The following EXT1 variants were observed in gnomAD, a reference collection of about 807,000 sequenced individuals.
The protein encoded by EXT1 is exostosin glycosyltransferase 1.
EXT1 carries 20 observed loss-of-function variants against 82.5 expected under a neutral mutation model. That is an observed-to-expected ratio of 0.24 (90% CI 0.17 to 0.35). The LOEUF is 0.35. EXT1 is among the 10% of genes least tolerant of loss of function. The pLI, the probability that EXT1 is intolerant of heterozygous loss-of-function variation, is 1.00. For missense variants in EXT1, 757 were observed against 936.5 expected (o/e 0.81, Z 2.50); for synonymous variants, 348 against 350.8 (o/e 0.99, Z 0.09).
intron 10 of EXT1, among the ~76,000 whole-genome samples, chr8:117,800,796 A>G (rs1449466110): frequency 6.6e-6 from 1 of 152,212 alleles, no homozygotes; most frequent in South Asian, 2.1e-4. Context: ...TGTTGCCCCT[A>G]AAGTTGGTTA....
chr8:118,016,500 C>T (rs192726606), intron 1 of EXT1, among the ~76,000 whole-genome samples: 8 of 152,298 alleles, frequency 5.3e-5, no homozygotes, highest in Admixed American at 3.3e-4. Flanking sequence ...GGGATCCTGA[C>T]GTAGGAAAGC....
intron 1 of EXT1, among the ~76,000 whole-genome samples, chr8:117,948,674 T>C (rs904648885): frequency 6.6e-6 from 1 of 152,224 alleles, no homozygotes; most frequent in African/African-American, 2.4e-5. Flanking sequence ...CTCAAAGTAA[T>C]CCTTTGAGTG....
intron 1 of EXT1, among the ~76,000 whole-genome samples, chr8:117,982,654 T>A (rs900562858): frequency 6.6e-6 from 1 of 151,998 alleles, no homozygotes; most frequent in African/African-American, 2.4e-5. Flanking sequence ...CCACACCCAG[T>A]TAATTTTTTA....
chr8:118,017,442 C>G (rs1816023230), intron 1 of EXT1, among the ~76,000 whole-genome samples: 1 of 152,156 alleles, frequency 6.6e-6, no homozygotes, highest in Non-Finnish European at 1.5e-5. Context: ...AAAGTCAGCA[C>G]TGAGTCCTCA....
At chr8:118,054,460 C>G (rs1056186497) in intron 1 of EXT1, among the ~76,000 whole-genome samples, 2 of 152,238 alleles carry the variant, frequency 1.3e-5, no homozygotes, top group East Asian at 1.9e-4. Context: ...CTCCTGGAAT[C>G]TGAACTTCCA....
chr8:117,858,921 G>C (rs1812634503), intron 1 of EXT1, among the ~76,000 whole-genome samples: 1 of 151,318 alleles, frequency 6.6e-6, no homozygotes, highest in Non-Finnish European at 1.5e-5. Context: ...AATTGCCACA[G>C]CTACCCTCAC....
At chr8:117,984,305 G>A (rs1815266824) in intron 1 of EXT1, among the ~76,000 whole-genome samples, 2 of 152,110 alleles carry the variant, frequency 1.3e-5, no homozygotes, top group African/African-American at 4.8e-5. Flanking sequence ...TATAATCCCA[G>A]CTACTTGGGA....
intron 1 of EXT1, among the ~76,000 whole-genome samples, chr8:118,099,524 T>G (rs905582001): frequency 6.6e-6 from 1 of 152,216 alleles, no homozygotes; most frequent in African/African-American, 2.4e-5. Flanking sequence ...GAGTGTGTGG[T>G]CTTTATGACA....
chr8:117,843,539 TGA>T (rs1812305826), intron 1 of EXT1, among the ~76,000 whole-genome samples: 1 of 151,882 alleles, frequency 6.6e-6, no homozygotes, highest in South Asian at 2.1e-4. Flanking sequence ...GGCACCAAGG[TGA>T]GAGAAACCAC....
At chr8:118,095,422 T>G (rs1489929063) in intron 1 of EXT1, among the ~76,000 whole-genome samples, 1 of 152,206 alleles carries the variant, frequency 6.6e-6, no homozygotes, top group African/African-American at 2.4e-5. Context: ...CCACTCTGAA[T>G]CAATAAAAGA....
chr8:118,096,909 C>T (rs1270649461), intron 1 of EXT1, among the ~76,000 whole-genome samples: 2 of 152,144 alleles, frequency 1.3e-5, no homozygotes, highest in Non-Finnish European at 2.9e-5. Flanking sequence ...ACCATATCAA[C>T]AGTAGTAACA....
chr8:118,014,655 G>A lies in EXT1; in HGVS notation c.962+95430C>T, dbSNP rs369546150. ...GAGTCTTGCTATGTTGCCCAGGCTG[G>A]TCTTAAATGCCTGGGCTCAAGTGAT... On this transcript the variant is annotated intron_variant, in intron 1 of 10. Coordinates refer to ENST00000378204, the MANE Select transcript of EXT1 (RefSeq NM_000127.3). Among the ~76,000 whole-genome samples the A allele has an allele frequency of 7.1e-4, 108 of 152,096 alleles. 3 individuals are homozygous for A. In the South Asian group the frequency reaches 0.016, roughly 22 times the overall value.
intron 1 of EXT1, among the ~76,000 whole-genome samples, chr8:118,029,528 A>G (rs961966837): frequency 7.9e-5 from 12 of 152,166 alleles, no homozygotes; most frequent in Non-Finnish European, 1.2e-4. Flanking sequence ...TAGATCTGAG[A>G]CTAAATTATA....
intron 6 of EXT1, 36 bp from the exon 7 acceptor site, chr8:117,818,566 G>T: frequency 6.5e-7 from 1 of 1,542,582 alleles, no homozygotes; most frequent in Non-Finnish European, 9.0e-7. Context: ...GGCTGGGGTA[G>T]GATGTATTTA....
At chr8:117,881,700 C>T (rs1004967090) in intron 1 of EXT1, among the ~76,000 whole-genome samples, 7 of 152,156 alleles carry the variant, frequency 4.6e-5, no homozygotes, top group African/African-American at 1.7e-4. Context: ...GGCTGGTCTG[C>T]AAAAACTCAA....
At chr8:117,813,494 AATGG>A (rs72199992) in intron 7 of EXT1, among the ~76,000 whole-genome samples, 25,184 of 152,058 alleles carry the variant, frequency 0.17, 2,232 homozygotes, top group East Asian at 0.29. Flanking sequence ...CGAAAGAGTG[AATGG>A]ATGGAGAAGT....
intron 10 of EXT1, among the ~76,000 whole-genome samples, chr8:117,800,858 A>G (rs1466980567): frequency 6.6e-6 from 1 of 152,250 alleles, no homozygotes; most frequent in Non-Finnish European, 1.5e-5. Context: ...AGAATGCCTT[A>G]ATGACTGGAG....
chr8:117,951,376 G>A (rs748422488), intron 1 of EXT1, among the ~76,000 whole-genome samples: 11 of 152,206 alleles, frequency 7.2e-5, no homozygotes, highest in Non-Finnish European at 1.6e-4. Flanking sequence ...GGCATAAGCA[G>A]ACTCCTGTTT....
intron 1 of EXT1, among the ~76,000 whole-genome samples, chr8:118,064,266 G>A (rs1816936993): frequency 6.6e-6 from 1 of 152,050 alleles, no homozygotes; most frequent in Non-Finnish European, 1.5e-5. Flanking sequence ...TGCCATGGTG[G>A]TTTGCTGTGC....
Sources: allele counts gnomAD v4.1 joint callset (sites outside exome capture counted in the v4.1 genomes callset), GRCh38; gene constraint gnomAD v4.1.1; transcripts MANE v1.5; gene names NCBI Gene and HGNC (gene_info 2026-07-23, HGNC 2026-07-21).